ROBO2: variants seen among roughly 807,000 people sequenced by gnomAD.
ROBO2 encodes the protein roundabout guidance receptor 2.
ROBO2 carries 53 observed loss-of-function variants against 160.8 expected under a neutral mutation model. The observed-to-expected ratio is 0.33, with a 90% CI of 0.26 to 0.41. The LOEUF (loss-of-function observed/expected upper bound fraction) is 0.41. Ranked by LOEUF, ROBO2 falls within the 10% of genes least tolerant of loss-of-function variation. The pLI is 1.00. For synonymous variants in ROBO2, 664 were observed against 611.7 expected (o/e 1.09, Z -1.26); for missense variants, 1,577 against 1,722.4 (o/e 0.92, Z 1.49).
chr3:76,656,469 G>A (rs964360005), intron 2 of ROBO2, among the ~76,000 whole-genome samples: 2 of 151,992 alleles, frequency 1.3e-5, no homozygotes, highest in Admixed American at 1.3e-4. Context: ...TGCACTTCTT[G>A]TGAAGGCACT....
chr3:77,586,470 T>A (rs562559083), intron 16 of ROBO2, among the ~76,000 whole-genome samples: 1 of 152,240 alleles, frequency 6.6e-6, no homozygotes, highest in South Asian at 2.1e-4. Context: ...TACTCTCCAA[T>A]GGGATGAAGA....
chr3:76,504,509 A>G (rs927510755), intron 2 of ROBO2, among the ~76,000 whole-genome samples: 2 of 146,398 alleles, frequency 1.4e-5, no homozygotes, highest in Non-Finnish European at 3.0e-5. Context: ...CAGTAAGCTT[A>G]GAAAATACTC....
chr3:77,473,422 T>C (rs2083575594), intron 2 of ROBO2, among the ~76,000 whole-genome samples: 1 of 150,056 alleles, frequency 6.7e-6, no homozygotes. Flanking sequence ...TGTCTGCAGT[T>C]CGATTTTACA....
intron 2 of ROBO2, among the ~76,000 whole-genome samples, chr3:76,578,735 G>T (rs1017151198): frequency 2.6e-5 from 4 of 152,060 alleles, no homozygotes; most frequent in African/African-American, 9.7e-5. Context: ...CACCATAGTG[G>T]ATGACATTGC....
At chr3:76,826,899 C>T (rs1311247339) in intron 2 of ROBO2, among the ~76,000 whole-genome samples, 6 of 152,044 alleles carry the variant, frequency 3.9e-5, no homozygotes, top group Admixed American at 6.6e-5. Context: ...ATTTTGTTTC[C>T]TGAATACAAA....
At chr3:76,623,127 C>T (rs921543508) in intron 2 of ROBO2, among the ~76,000 whole-genome samples, 2 of 152,160 alleles carry the variant, frequency 1.3e-5, no homozygotes, top group African/African-American at 4.8e-5. Context: ...CATACACTTG[C>T]GACTGAATAA....
intron 2 of ROBO2, among the ~76,000 whole-genome samples, chr3:76,524,702 G>A (rs750485140): frequency 3.3e-5 from 5 of 150,914 alleles, no homozygotes; most frequent in Admixed American, 6.6e-5. Flanking sequence ...ATTGTAGACT[G>A]CCAGGCAATT....
chr3:77,091,690 A>G (rs1160959226), intron 1 of ROBO2, among the ~76,000 whole-genome samples: 1 of 151,926 alleles, frequency 6.6e-6, no homozygotes, highest in African/African-American at 2.4e-5. Context: ...GAGACTAAGA[A>G]TCTGGTGGCC....
intron 2 of ROBO2, among the ~76,000 whole-genome samples, chr3:76,561,073 T>C (rs955996261): frequency 6.6e-6 from 1 of 151,048 alleles, no homozygotes; most frequent in Non-Finnish European, 1.5e-5. Context: ...CACAGATATA[T>C]TCACCATTAT....
At chr3:76,185,215 T>TACAC (rs1553669701) in intron 2 of ROBO2, among the ~76,000 whole-genome samples, 201 of 90,154 alleles carry the variant, frequency 2.2e-3, no homozygotes, top group Middle Eastern at 9.1e-3. Flanking sequence ...TATATATATA[T>TACAC]ACACACACAA....
intron 2 of ROBO2, among the ~76,000 whole-genome samples, chr3:76,854,700 G>T (rs1301553936): frequency 6.6e-6 from 1 of 152,084 alleles, no homozygotes; most frequent in Non-Finnish European, 1.5e-5. Flanking sequence ...TTTAGTTGTT[G>T]AGTATAATTA....
At chr3:77,130,529 G>A (rs1196267026) in intron 2 of ROBO2, among the ~76,000 whole-genome samples, 2 of 152,028 alleles carry the variant, frequency 1.3e-5, no homozygotes, top group East Asian at 1.9e-4. Flanking sequence ...AATACTAAAC[G>A]GCAAATTTTA....
At chr3:76,522,847 A>G (rs1410222274) in intron 2 of ROBO2, among the ~76,000 whole-genome samples, 1 of 151,928 alleles carries the variant, frequency 6.6e-6, no homozygotes, top group Non-Finnish European at 1.5e-5. Flanking sequence ...AGTATCATCA[A>G]ATGGTGGCTA....
intron 2 of ROBO2, among the ~76,000 whole-genome samples, chr3:77,199,168 C>T (rs2082586658): frequency 6.6e-6 from 1 of 152,202 alleles, no homozygotes; most frequent in Admixed American, 6.5e-5. Flanking sequence ...TTTATCATCT[C>T]ATGCAAGATT....
intron 2 of ROBO2, among the ~76,000 whole-genome samples, chr3:76,465,806 T>C (rs1375877482): frequency 1.3e-5 from 2 of 152,066 alleles, no homozygotes; most frequent in Non-Finnish European, 2.9e-5. Flanking sequence ...TCAAATATTA[T>C]GAAGACCACT....
chr3:76,364,941 C>A (rs1275281422), intron 2 of ROBO2, among the ~76,000 whole-genome samples: 1 of 152,128 alleles, frequency 6.6e-6, no homozygotes, highest in South Asian at 2.1e-4. Context: ...CCTATAAATT[C>A]GCTTGGATTT....
chr3:76,588,631 A>G (rs1354378997), intron 2 of ROBO2, among the ~76,000 whole-genome samples: 1 of 152,182 alleles, frequency 6.6e-6, no homozygotes, highest in Non-Finnish European at 1.5e-5. Context: ...ATTTAATATA[A>G]AGATGTCTTA....
intron 2 of ROBO2, among the ~76,000 whole-genome samples, chr3:77,134,347 T>C (rs991621518): frequency 2.0e-5 from 3 of 152,234 alleles, no homozygotes; most frequent in Non-Finnish European, 2.9e-5. Context: ...ATTTTTGTAG[T>C]ACCGATTTTG....
chr3:76,534,830 T>C (rs184416682), intron 2 of ROBO2, among the ~76,000 whole-genome samples: 2 of 151,856 alleles, frequency 1.3e-5, no homozygotes, highest in African/African-American at 2.4e-5. Flanking sequence ...ACCTTAGGGG[T>C]TGGTGACAAG....
Sources: gnomAD v4.1 joint callset for allele counts (sites outside exome capture counted in the v4.1 genomes callset) on GRCh38, gnomAD v4.1.1 for gene constraint, MANE v1.5 for transcripts, NCBI Gene and HGNC (gene_info 2026-07-23, HGNC 2026-07-21) for gene names.